The following DLG2 variants were observed in gnomAD, a reference collection of about 807,000 sequenced individuals.
DLG2 encodes the protein disks large homolog 2.
In DLG2, 45 loss-of-function variants were observed where a neutral mutation model predicts 132.5. The observed-to-expected ratio is 0.34, with a 90% CI of 0.27 to 0.44. DLG2 has a LOEUF of 0.44. DLG2 is among the 20% of genes least tolerant of loss of function. DLG2 has a pLI of 1.00. For missense variants in DLG2, 1,045 were observed against 1,196.9 expected (o/e 0.87, Z 1.87); for synonymous variants, 424 against 419.6 (o/e 1.01, Z -0.13).
chr11:85,027,132 A>T (rs934326942), intron 6 of DLG2, among the ~76,000 whole-genome samples: 7 of 149,212 alleles, frequency 4.7e-5, no homozygotes, highest in Admixed American at 4.0e-4. Flanking sequence ...ATATATTTAA[A>T]AGAAGTGAAA....
chr11:85,423,836 T>C (rs1009537335), intron 3 of DLG2, among the ~76,000 whole-genome samples: 1 of 152,128 alleles, frequency 6.6e-6, no homozygotes, highest in African/African-American at 2.4e-5. Context: ...GGCTGAGAAC[T>C]TGCCCCACTA....
At chr11:84,728,199 C>A (rs577693728) in intron 6 of DLG2, among the ~76,000 whole-genome samples, 2 of 152,188 alleles carry the variant, frequency 1.3e-5, no homozygotes, top group South Asian at 4.1e-4. Flanking sequence ...CAGTTTTTGC[C>A]CATTTAGTAT....
chr11:85,488,114 G>T (rs2093472283), intron 3 of DLG2, among the ~76,000 whole-genome samples: 1 of 152,086 alleles, frequency 6.6e-6, no homozygotes, highest in African/African-American at 2.4e-5. Flanking sequence ...CTTTTGGCTG[G>T]GTGCAGTGGC....
At chr11:83,467,771 G>GTATATATATA (rs1192401405) in intron 25 of DLG2, among the ~76,000 whole-genome samples, 143 of 84,986 alleles carry the variant, frequency 1.7e-3, no homozygotes, top group Non-Finnish European at 2.2e-3. Flanking sequence ...AAAACTATAT[G>GTATATATATA]TATATATATA....
intron 6 of DLG2, among the ~76,000 whole-genome samples, chr11:84,843,195 G>C (rs2080928317): frequency 6.6e-6 from 1 of 151,610 alleles, no homozygotes; most frequent in African/African-American, 2.4e-5. Flanking sequence ...TTATGGTGAT[G>C]GTTTCACAGG....
At chr11:85,365,308 T>C (rs902511760) in intron 3 of DLG2, among the ~76,000 whole-genome samples, 1 of 152,200 alleles carries the variant, frequency 6.6e-6, no homozygotes, top group Admixed American at 6.5e-5. Context: ...CATGCCTATA[T>C]ATAATTTATG....
intron 6 of DLG2, among the ~76,000 whole-genome samples, chr11:85,091,319 T>G (rs961805090): frequency 2.0e-5 from 3 of 152,220 alleles, no homozygotes; most frequent in Admixed American, 2.0e-4. Flanking sequence ...AGAAAAGTGC[T>G]AAGGATGATC....
At chr11:83,812,041 C>T (rs756962422) in intron 17 of DLG2, among the ~76,000 whole-genome samples, 1 of 152,098 alleles carries the variant, frequency 6.6e-6, no homozygotes, top group African/African-American at 2.4e-5. Flanking sequence ...AAGCTAGCTT[C>T]TACCTAGAAC....
At chr11:83,746,412 T>A (rs1280343720) in intron 18 of DLG2, among the ~76,000 whole-genome samples, 1 of 152,030 alleles carries the variant, frequency 6.6e-6, no homozygotes, top group Non-Finnish European at 1.5e-5. Context: ...AAATGATGAG[T>A]TCATGTCCTT....
intron 3 of DLG2, among the ~76,000 whole-genome samples, chr11:85,459,524 C>T (rs2092535215): frequency 6.6e-6 from 1 of 152,150 alleles, no homozygotes; most frequent in African/African-American, 2.4e-5. Context: ...AACTCAGAGA[C>T]ATTCCGTGGG....
intron 19 of DLG2, among the ~76,000 whole-genome samples, chr11:83,572,951 C>T (rs1019390909): frequency 2.0e-5 from 3 of 152,182 alleles, no homozygotes; most frequent in Non-Finnish European, 2.9e-5. Context: ...CATCACTTTA[C>T]AGCATCATTA....
At chr11:84,496,684 A>T (rs1188152072) in intron 7 of DLG2, among the ~76,000 whole-genome samples, 2 of 152,146 alleles carry the variant, frequency 1.3e-5, no homozygotes, top group Admixed American at 1.3e-4. Context: ...TATATATATA[A>T]AAAATAATCC....
intron 3 of DLG2, among the ~76,000 whole-genome samples, chr11:85,322,992 C>G (rs1198780124): frequency 2.0e-5 from 3 of 152,164 alleles, no homozygotes; most frequent in Non-Finnish European, 4.4e-5. Flanking sequence ...ATTGATTTAA[C>G]TTTTTAATGA....
At chr11:84,850,785 T>C in intron 6 of DLG2, among the ~76,000 whole-genome samples, 1 of 152,068 alleles carries the variant, frequency 6.6e-6, no homozygotes, top group Non-Finnish European at 1.5e-5. Flanking sequence ...AGAAAACAAT[T>C]TTATTTTTAA....
At chr11:84,385,707 C>A (rs770537918) in intron 7 of DLG2, among the ~76,000 whole-genome samples, 1 of 152,028 alleles carries the variant, frequency 6.6e-6, no homozygotes, top group Non-Finnish European at 1.5e-5. Flanking sequence ...AAATAATCAA[C>A]CTAACCTGCC....
chr11:84,666,326 G>A (rs746298380), intron 6 of DLG2, among the ~76,000 whole-genome samples: 27 of 152,204 alleles, frequency 1.8e-4, no homozygotes, highest in Non-Finnish European at 3.5e-4. Flanking sequence ...CTTCGAACTG[G>A]AACATCAGCT....
At chr11:85,254,621 A>C (rs2152702847) in intron 4 of DLG2, among the ~76,000 whole-genome samples, 1 of 152,324 alleles carries the variant, frequency 6.6e-6, no homozygotes, top group Admixed American at 6.5e-5. Flanking sequence ...TTAACTCTAG[A>C]TCTTGACTAC....
At chr11:83,598,827 T>C (rs1269002274) in intron 19 of DLG2, among the ~76,000 whole-genome samples, 1 of 152,244 alleles carries the variant, frequency 6.6e-6, no homozygotes, top group Non-Finnish European at 1.5e-5. Flanking sequence ...ATGACTATCA[T>C]TCAACATGTC....
chr11:83,764,247 G>T (rs970032374), intron 18 of DLG2, among the ~76,000 whole-genome samples: 1 of 152,116 alleles, frequency 6.6e-6, no homozygotes, highest in African/African-American at 2.4e-5. Context: ...GAGTGATTGT[G>T]GAGGGAGTAA....
Sources: gnomAD v4.1 joint callset for allele counts (sites outside exome capture counted in the v4.1 genomes callset) on GRCh38, gnomAD v4.1.1 for gene constraint, MANE v1.5 for transcripts, NCBI Gene and HGNC (gene_info 2026-07-23, HGNC 2026-07-21) for gene names.